Variants in HTR4 observed in about 807,000 individuals in gnomAD.
HTR4 encodes the protein 5-hydroxytryptamine (serotonin) receptor 4, G protein-coupled.
A neutral mutation model predicts 36.8 loss-of-function variants in HTR4; 16 were observed. That is an observed-to-expected ratio of 0.43 (90% CI 0.29 to 0.66). HTR4 has a LOEUF of 0.66. Ranked by LOEUF, HTR4 falls within the 30% of genes least tolerant of loss-of-function variation. HTR4 has a pLI of 0.13. For missense variants in HTR4, 438 were observed against 490.9 expected, an observed-to-expected ratio of 0.89 and a Z score of 1.02; for synonymous variants, 189 against 185.1, an observed-to-expected ratio of 1.02 and a Z score of -0.17.
chr5:148,638,023 C>T (rs1442367570), intron 1 of HTR4, among the ~76,000 whole-genome samples: 1 of 134,422 alleles, frequency 7.4e-6, no homozygotes, highest in Non-Finnish European at 1.6e-5. Flanking sequence ...TTGAATCTTA[C>T]CAAGAAGAAC....
chr5:148,534,474 C>T (rs1052038980), intron 4 of HTR4, among the ~76,000 whole-genome samples: 3 of 152,170 alleles, frequency 2.0e-5, no homozygotes, highest in Non-Finnish European at 4.4e-5. Flanking sequence ...CCAGCCATCC[C>T]CTGCCAGAGG....
chr5:148,452,923 G>T (rs7727161), intron 5 of HTR4, among the ~76,000 whole-genome samples: 38,245 of 152,142 alleles, frequency 0.25, 4,854 homozygotes, highest in South Asian at 0.29. Context: ...GTGAGTCGTA[G>T]ATGCTCAGCC....
At chr5:148,605,256 C>CTTTTTTTTTTTTTTT (rs869039969) in intron 2 of HTR4, among the ~76,000 whole-genome samples, 18 of 42,638 alleles carry the variant, frequency 4.2e-4, no homozygotes, top group Non-Finnish European at 6.7e-4. Flanking sequence ...CTTTTCTTTT[C>CTTTTTTTTTTTTTTT]TTTTTTTTTT....
downstream of HTR4, among the ~76,000 whole-genome samples, chr5:148,480,052 A>G (rs1001351552): frequency 1.3e-5 from 2 of 152,026 alleles, no homozygotes; most frequent in Admixed American, 1.3e-4. Context: ...TCCACGTTTG[A>G]TTTTTTTCAT....
chr5:148,472,171 C>T (rs114731857), downstream of HTR4, among the ~76,000 whole-genome samples: 3,437 of 152,284 alleles, frequency 0.023, 58 homozygotes, highest in South Asian at 0.054. Flanking sequence ...GGTGGCAATA[C>T]AGAGTCTCTT....
intron 2 of HTR4, among the ~76,000 whole-genome samples, chr5:148,596,314 C>G (rs1462889713): frequency 6.6e-6 from 1 of 152,108 alleles, no homozygotes; most frequent in Non-Finnish European, 1.5e-5. Flanking sequence ...AATAAATAAT[C>G]CTGATTCATC....
At chr5:148,532,549 C>T (rs182330846) in intron 4 of HTR4, among the ~76,000 whole-genome samples, 130 of 152,202 alleles carry the variant, frequency 8.5e-4, no homozygotes, top group African/African-American at 2.9e-3. Context: ...TCTTCAATAG[C>T]GGTTTTTTAA....
chr5:148,538,445 G>T (rs1758937634), intron 4 of HTR4, among the ~76,000 whole-genome samples: 1 of 151,940 alleles, frequency 6.6e-6, no homozygotes, highest in South Asian at 2.1e-4. Flanking sequence ...GCTTTTTTTT[G>T]AAGATAACAT....
intron 1 of HTR4, among the ~76,000 whole-genome samples, chr5:148,652,490 G>C (rs1754069058): frequency 6.6e-6 from 1 of 152,188 alleles, no homozygotes; most frequent in Admixed American, 6.5e-5. Flanking sequence ...CAGAATCAGG[G>C]AGGTCCAGAA....
chr5:148,550,570 C>A (rs1395169178), intron 2 of HTR4, among the ~76,000 whole-genome samples: 1 of 152,136 alleles, frequency 6.6e-6, no homozygotes, highest in African/African-American at 2.4e-5. Flanking sequence ...TAGTTGATGC[C>A]TGTTTTGTGC....
intron 2 of HTR4, among the ~76,000 whole-genome samples, chr5:148,585,028 A>C (rs138534959): frequency 1.6e-4 from 25 of 152,340 alleles, no homozygotes. Context: ...AGAACCTAAA[A>C]GCACTGCCTG....
At chr5:148,459,352 G>A (rs1226627731) in intron 5 of HTR4, among the ~76,000 whole-genome samples, 1 of 152,148 alleles carries the variant, frequency 6.6e-6, no homozygotes, top group Admixed American at 6.5e-5. Flanking sequence ...ACAGGGAGGA[G>A]GGAAGTAATT....
At chr5:148,499,125 G>A (rs972904076) in intron 6 of HTR4, among the ~76,000 whole-genome samples, 1 of 152,120 alleles carries the variant, frequency 6.6e-6, no homozygotes, top group Non-Finnish European at 1.5e-5. Context: ...TACTACTTGT[G>A]TGACTTTGGG....
At chr5:148,586,295 G>T (rs1761346493) in intron 2 of HTR4, among the ~76,000 whole-genome samples, 1 of 151,976 alleles carries the variant, frequency 6.6e-6, no homozygotes, top group South Asian at 2.1e-4. Flanking sequence ...ATCTTTGTCT[G>T]ATAAATATTT....
chr5:148,509,173 A>C (rs1304420650), intron 6 of HTR4: 2 of 342,498 alleles, frequency 5.8e-6, no homozygotes, highest in South Asian at 1.2e-4. Context: ...AGTGATTATT[A>C]TCTTAAGTTT....
intron 6 of HTR4, among the ~76,000 whole-genome samples, chr5:148,499,893 T>C (rs13164804): frequency 0.25 from 38,669 of 151,944 alleles, 5,728 homozygotes; most frequent in Non-Finnish European, 0.34. Context: ...TCTCTCTTGC[T>C]CCCCTTCTTG....
intron 4 of HTR4, among the ~76,000 whole-genome samples, chr5:148,540,261 T>A (rs2113830766): frequency 6.6e-6 from 1 of 151,084 alleles, no homozygotes; most frequent in South Asian, 2.1e-4. Context: ...GAAAATCATA[T>A]TAGGTACTGG....
rs201415979 is a variant in HTR4, at chr5:148,483,156, C to T, written c.*47G>A. On this transcript the variant is annotated 3_prime_UTR_variant, in exon 7 of 7. Transcript: ENST00000377888. ...GCACAAGCAGCAGCTTAGGACCTGG[C>T]CCTCTTTCGGAGGCATGGCTGTCTT... The T allele has an allele frequency of 1.2e-6, 2 of 1,613,272 alleles. No homozygotes were observed. Among genetic ancestry groups the T allele is most frequent in the East Asian group, 2.2e-5 (1 of 44,814 alleles).
At chr5:148,461,592 A>C (rs1306523902) in intron 5 of HTR4, among the ~76,000 whole-genome samples, 1 of 152,068 alleles carries the variant, frequency 6.6e-6, no homozygotes, top group Admixed American at 6.5e-5. Flanking sequence ...CTGCATACAC[A>C]TAAGAACAGA....
Sources: gnomAD v4.1 joint callset for allele counts (sites outside exome capture counted in the v4.1 genomes callset) on GRCh38, gnomAD v4.1.1 for gene constraint, MANE v1.5 for transcripts, NCBI Gene and HGNC (gene_info 2026-07-23, HGNC 2026-07-21) for gene names.